CACNA2D3: variants seen among roughly 807,000 people sequenced by gnomAD.
CACNA2D3 encodes calcium voltage-gated channel auxiliary subunit alpha2delta 3.
Under a neutral mutation model 160.6 loss-of-function variants are expected in CACNA2D3, and 60 were observed. That is an observed-to-expected ratio of 0.37 (90% confidence interval 0.30 to 0.46). The LOEUF (loss-of-function observed/expected upper bound fraction) is 0.46. Among genes scored for constraint, CACNA2D3 ranks in the 20% least tolerant of loss-of-function variants. The pLI is 1.00. For synonymous variants in CACNA2D3, 558 were observed against 492.9 expected, an observed-to-expected ratio of 1.13 and a Z score of -1.75; for missense variants, 1,205 against 1,365.0, an observed-to-expected ratio of 0.88 and a Z score of 1.85.
chr3:54,163,900 G>A (rs762718776), intron 2 of CACNA2D3, among the ~76,000 whole-genome samples: 28 of 152,156 alleles, frequency 1.8e-4, no homozygotes, highest in Non-Finnish European at 2.9e-4. Flanking sequence ...GGTCTTGCTG[G>A]GGACAAGACC....
intron 35 of CACNA2D3, among the ~76,000 whole-genome samples, chr3:55,039,714 C>T (rs994554107): frequency 2.0e-5 from 3 of 152,116 alleles, no homozygotes; most frequent in Non-Finnish European, 4.4e-5. Flanking sequence ...TTCAAGGGAG[C>T]CTTGGTTTTG....
rs1468528305 is a variant in CACNA2D3 at position 54,399,536 on chromosome 3, A to T, written c.381+12762A>T. Among the ~76,000 whole-genome samples the T allele has an allele frequency of 6.2e-3, 123 of 19,686 alleles. 8 individuals carry two copies. The highest frequency in any genetic ancestry group is 0.046 in the Admixed American group (74 of 1,620). The allele number at this position is 19,686 out of a possible 152,430, so 12.9% of individuals were successfully genotyped here. A position where few individuals can be genotyped will look rare whatever the true frequency, so the allele number is the denominator to read the frequency against. Reference sequence around the variant, plus strand: ...TCTGTTTGTTAGTTTTCCTTCTAACAGACAGGACCCTCAGCTGCAGGTCTG... The same window carrying T: ...TCTGTTTGTTAGTTTTCCTTCTAACTGACAGGACCCTCAGCTGCAGGTCTG... On this transcript the variant is annotated intron_variant, in intron 4 of 37. Coordinates refer to ENST00000474759, the MANE Select transcript of CACNA2D3 (RefSeq NM_018398.3).
chr3:54,232,333 T>C (rs983722126), intron 2 of CACNA2D3, among the ~76,000 whole-genome samples: 1 of 152,144 alleles, frequency 6.6e-6, no homozygotes, highest in Non-Finnish European at 1.5e-5. Flanking sequence ...TGGGTTGTGC[T>C]CACAAGGGTT....
intron 11 of CACNA2D3, among the ~76,000 whole-genome samples, chr3:54,716,422 TG>T (rs1701050735): frequency 6.6e-6 from 1 of 152,138 alleles, no homozygotes; most frequent in Non-Finnish European, 1.5e-5. Flanking sequence ...AGAGGGAAGA[TG>T]TGTTCACAAT....
At chr3:54,950,947 G>A (rs2107015033) in intron 27 of CACNA2D3, among the ~76,000 whole-genome samples, 1 of 152,298 alleles carries the variant, frequency 6.6e-6, no homozygotes, top group African/African-American at 2.4e-5. Context: ...TGGCAGAGGG[G>A]AAACTGAAGC....
At chr3:55,042,597 G>A (rs1272007159) in intron 35 of CACNA2D3, among the ~76,000 whole-genome samples, 1 of 151,942 alleles carries the variant, frequency 6.6e-6, no homozygotes, top group Non-Finnish European at 1.5e-5. Flanking sequence ...AGCTGTTATT[G>A]CTTATGGTAT....
intron 2 of CACNA2D3, among the ~76,000 whole-genome samples, chr3:54,128,886 T>G (rs1422169463): frequency 6.6e-6 from 1 of 152,252 alleles, no homozygotes; most frequent in African/African-American, 2.4e-5. Context: ...TTAAATGTAA[T>G]TTTTATACAA....
intron 5 of CACNA2D3, among the ~76,000 whole-genome samples, chr3:54,542,320 A>C (rs1701994679): frequency 6.6e-6 from 1 of 152,088 alleles, no homozygotes; most frequent in African/African-American, 2.4e-5. Context: ...TTGTCCTCCC[A>C]AAGTGCTGAG....
chr3:54,989,510 G>C (rs1431279099), intron 31 of CACNA2D3, among the ~76,000 whole-genome samples: 1 of 152,234 alleles, frequency 6.6e-6, no homozygotes, highest in Admixed American at 6.5e-5. Flanking sequence ...GGCCAGTAGA[G>C]CATTGAGAGT....
At chr3:54,761,459 C>T (rs1702079783) in intron 12 of CACNA2D3, among the ~76,000 whole-genome samples, 1 of 152,216 alleles carries the variant, frequency 6.6e-6, no homozygotes, top group South Asian at 2.1e-4. Flanking sequence ...TGATTGCAGC[C>T]TCCATGCTTG....
intron 14 of CACNA2D3, among the ~76,000 whole-genome samples, chr3:54,835,316 C>T (rs931204052): frequency 4.6e-5 from 7 of 152,254 alleles, no homozygotes; most frequent in South Asian, 2.1e-4. Flanking sequence ...TTGCCCTATA[C>T]GAATGCTTCT....
chr3:54,129,808 GT>G (rs1471764520), intron 2 of CACNA2D3, among the ~76,000 whole-genome samples: 1 of 152,170 alleles, frequency 6.6e-6, no homozygotes, highest in Non-Finnish European at 1.5e-5. Flanking sequence ...TGCCATTACC[GT>G]AATACTTATT....
chr3:54,637,404 A>G (rs189180263), intron 10 of CACNA2D3, among the ~76,000 whole-genome samples: 5 of 152,006 alleles, frequency 3.3e-5, no homozygotes, highest in East Asian at 1.9e-4. Context: ...GCAATGAGAT[A>G]TAGCTGTAGT....
At chr3:54,131,155 A>G (rs184213782) in intron 2 of CACNA2D3, among the ~76,000 whole-genome samples, 2 of 152,236 alleles carry the variant, frequency 1.3e-5, no homozygotes, top group Non-Finnish European at 2.9e-5. Flanking sequence ...GCCTGGCTGC[A>G]TACATACATG....
intron 4 of CACNA2D3, among the ~76,000 whole-genome samples, chr3:54,418,048 G>C (rs550253446): frequency 6.6e-6 from 1 of 152,128 alleles, no homozygotes; most frequent in African/African-American, 2.4e-5. Context: ...TTGGCCTCCC[G>C]AAGTTCCGAA....
chr3:54,253,107 CTT>C (rs34188932), intron 2 of CACNA2D3, among the ~76,000 whole-genome samples: 2,334 of 138,518 alleles, frequency 0.017, 40 homozygotes, highest in East Asian at 0.049. Flanking sequence ...TTAACCAACT[CTT>C]TTTTTTTTTT....
At chr3:54,149,908 TCTCTCTCTCTCTCTCTCTCTCTCCCTCC>T (rs1700107817) in intron 2 of CACNA2D3, among the ~76,000 whole-genome samples, 3 of 90,710 alleles carry the variant, frequency 3.3e-5, no homozygotes, top group African/African-American at 4.6e-5. Context: ...TCTCTCTCTC[TCTCTCTCTCTCTCTCTCTCTCTCCCTCC>T]CTCCCTCCCT....
intron 35 of CACNA2D3, among the ~76,000 whole-genome samples, chr3:55,021,476 T>C (rs1355832915): frequency 6.6e-6 from 1 of 151,562 alleles, no homozygotes; most frequent in African/African-American, 2.4e-5. Context: ...TTACATTGTT[T>C]TTTTATTTTC....
At chr3:54,611,305 A>G (rs1169862678) in intron 9 of CACNA2D3, among the ~76,000 whole-genome samples, 1 of 152,180 alleles carries the variant, frequency 6.6e-6, no homozygotes, top group Admixed American at 6.5e-5. Context: ...ACCCTTTCTC[A>G]GACGGTATTT....
Sources: gnomAD v4.1 joint callset for allele counts (sites outside exome capture counted in the v4.1 genomes callset) on GRCh38, gnomAD v4.1.1 for gene constraint, MANE v1.5 for transcripts, NCBI Gene and HGNC (gene_info 2026-07-23, HGNC 2026-07-21) for gene names.